Variants in APC observed in about 807,000 individuals in gnomAD.
APC encodes adenomatous polyposis coli protein.
Under a neutral mutation model 247.0 loss-of-function variants are expected in APC, and 72 were observed. The observed-to-expected ratio is 0.29, with a 90% CI of 0.24 to 0.35. The LOEUF (loss-of-function observed/expected upper bound fraction) is 0.35, where lower values mean the gene tolerates loss of function less well. Ranked by LOEUF, APC falls within the 10% of genes least tolerant of loss-of-function variation. The pLI is 1.00. For missense variants in APC, 3,400 were observed against 3,360.7 expected, an observed-to-expected ratio of 1.01 and a Z score of -0.29; for synonymous variants, 1,254 against 1,162.5, an observed-to-expected ratio of 1.08 and a Z score of -1.60.
Position 112,840,626 on chromosome 5 carries a change from G to A in APC, c.5032G>A (p.Gly1678Arg). The A allele has an allele frequency of 6.2e-7, 1 of 1,613,998 alleles. No individual in the cohort carries two copies. Among genetic ancestry groups the A allele is most frequent in the Non-Finnish European group, 8.5e-7 (1 of 1,179,928 alleles). Reference sequence around the variant, plus strand: ...AGCTGCTGGAGAAGGAGTTAGAGGAGGGGCACAGTCAGGTGAATTTGAAAA... The same window carrying A: ...AGCTGCTGGAGAAGGAGTTAGAGGAAGGGCACAGTCAGGTGAATTTGAAAA... ...ELAAGEGVRG[G>R]AQSGEFEKRD... The change falls in exon 16 of 16, where the codon GGG becomes AGG. Residue 1678 changes from glycine to arginine, a missense_variant. Physicochemically the swap from Gly to Arg is moderately radical, Grantham distance 125. Coordinates refer to ENST00000257430, the MANE Select transcript of APC (RefSeq NM_000038.6). This position sits in a 1 kb window ranked among gnomAD's most constrained non-coding sequence, Gnocchi z 4.1.
intron 12 of APC, 66 bp downstream of exon 12, chr5:112,827,313 T>A (rs1763806306): frequency 1.3e-6 from 2 of 1,561,926 alleles, no homozygotes; most frequent in Non-Finnish European, 1.8e-6. Flanking sequence ...TTCATACAAA[T>A]ACATTTTACT....
intron 7 of APC, among the ~76,000 whole-genome samples, chr5:112,797,002 A>G (rs951655766): frequency 1.3e-5 from 2 of 152,070 alleles, no homozygotes; most frequent in Admixed American, 6.6e-5. Flanking sequence ...TCATTGTAGT[A>G]CCATTTATTA....
chr5:112,834,715 T>A (rs1464798642), intron 14 of APC, among the ~76,000 whole-genome samples: 2 of 152,230 alleles, frequency 1.3e-5, no homozygotes, highest in Non-Finnish European at 2.9e-5. Context: ...GAATAAAGTT[T>A]ATAAAAGTCA....
chr5:112,730,300 A>G (rs1479937460), intron 1 of APC, among the ~76,000 whole-genome samples: 1 of 152,244 alleles, frequency 6.6e-6, no homozygotes, highest in Non-Finnish European at 1.5e-5. Context: ...CAGTTGAACA[A>G]GTAACTTTTT....
Position 112,838,260 on chromosome 5 carries a change from A to C in APC, c.2666A>C (p.Lys889Thr), listed in dbSNP as rs1350986347. Reference sequence around the variant, plus strand: ...TCCACCACTGCAGCCCAGATTGCCAAAGTCATGGAAGAAGTGTCAGCCATT... The same window carrying C: ...TCCACCACTGCAGCCCAGATTGCCACAGTCATGGAAGAAGTGTCAGCCATT... ...QISTTAAQIA[K>T]VMEEVSAIHT... Residue 889 changes from lysine to threonine, a missense_variant, in exon 16 of 16, where the codon AAA becomes ACA. By Grantham distance (78) the Lys-to-Thr change is moderately conservative. Transcript: ENST00000257430. 1.2e-6 allele frequency: 2 copies of C among 1,614,220 alleles called. No individual in the cohort carries two copies. The highest frequency in any genetic ancestry group is 1.1e-5 in the South Asian group (1 of 91,090).
rs377860 is a variant in APC, at chr5:112,839,702, A to G, written c.4108A>G (p.Lys1370Glu). 3 of 1,614,156 alleles carry G rather than the reference A, an allele frequency of 1.9e-6. No homozygotes were observed. The highest frequency in any genetic ancestry group is 2.5e-6 in the Non-Finnish European group (3 of 1,180,010). The change falls in exon 16 of 16, where the codon AAA (lysine) becomes GAA (glutamate). Residue 1370 changes from lysine (K) to glutamate (E), a missense_variant. Physicochemically the swap from Lys to Glu is moderately conservative, Grantham distance 56. Around this residue, in one of 9 missense-constraint regions of APC, gnomAD observed 715 missense variants for 656.6 expected, o/e 1.09. Coordinates refer to ENST00000257430, the MANE Select transcript of APC (RefSeq NM_000038.6). This position sits in a 1 kb window ranked among gnomAD's most constrained non-coding sequence, Gnocchi z 5.0. The stretch of plus-strand genomic sequence containing the variant: ...CTCCAAAAGTGGTGCTCAGACACCC[A>G]AAAGTCCACCTGAACACTATGTTCA... Reference protein sequence around the residue: ...SPSKSGAQTPKSPPEHYVQET... With the variant: ...SPSKSGAQTPESPPEHYVQET...
At chr5:112,796,978 G>T (rs767347884) in intron 7 of APC, among the ~76,000 whole-genome samples, 1 of 151,714 alleles carries the variant, frequency 6.6e-6, no homozygotes, top group Non-Finnish European at 1.5e-5. Context: ...ATTTAATGCT[G>T]TTCACCTTCA....
intron 14 of APC, among the ~76,000 whole-genome samples, chr5:112,830,438 A>T (rs1240024382): frequency 6.6e-6 from 1 of 152,242 alleles, no homozygotes; most frequent in Non-Finnish European, 1.5e-5. Context: ...GCTGGAAATC[A>T]TGTATTCTGC....
chr5:112,724,680 G>A (rs1751676764), intron 1 of APC, among the ~76,000 whole-genome samples: 1 of 152,058 alleles, frequency 6.6e-6, no homozygotes, highest in South Asian at 2.1e-4. Flanking sequence ...ATCTAAATTG[G>A]GTCCTGTAAA....
rs1580664782 is a variant in APC, at chr5:112,841,450, G to A, written c.5856G>A (p.Gln1952=). 6.2e-7 allele frequency: 1 copy of A among 1,613,994 alleles called. No individual in the cohort carries two copies. The highest frequency in any genetic ancestry group is 1.6e-4 in the Middle Eastern group (1 of 6,062). ...DRGAATDEKL[Q]NFAIENTPVC... is the part of the protein sequence containing the mutation. ...GGGCAGCAACTGATGAAAAGTTACA[G>A]AATTTTGCTATTGAAAATACTCCGG... The change falls in exon 16 of 16, where the codon CAG becomes CAA. Residue 1952 remains glutamine (Q), a synonymous_variant. Transcript: ENST00000257430. The surrounding 1 kb of genome is among the most constrained non-coding windows in gnomAD (Gnocchi z 4.6).
intron 1 of APC, among the ~76,000 whole-genome samples, chr5:112,740,465 T>TC (rs1176578023): frequency 1.3e-5 from 2 of 151,852 alleles, no homozygotes; most frequent in Non-Finnish European, 2.9e-5. Flanking sequence ...TAAATATTCA[T>TC]AAATGTTTTA....
intron 1 of APC, among the ~76,000 whole-genome samples, chr5:112,746,374 A>G (rs1421293097): frequency 6.6e-6 from 1 of 152,314 alleles, no homozygotes; most frequent in East Asian, 1.9e-4. Context: ...TCCAGACCAT[A>G]TAAAAAGATG....
intron 1 of APC, among the ~76,000 whole-genome samples, chr5:112,708,379 G>A (rs547913997): frequency 3.0e-4 from 45 of 152,334 alleles, no homozygotes; most frequent in African/African-American, 9.1e-4. Flanking sequence ...GCCTTGGATG[G>A]TTAGGTCAGA....
chr5:112,709,026 G>A (rs1750695716), intron 1 of APC, among the ~76,000 whole-genome samples: 1 of 152,172 alleles, frequency 6.6e-6, no homozygotes, highest in Admixed American at 6.5e-5. Flanking sequence ...TGGATAACGT[G>A]TCAAGAGCCC....
At chr5:112,763,560 T>C (rs1695901591) in intron 2 of APC, among the ~76,000 whole-genome samples, 1 of 152,158 alleles carries the variant, frequency 6.6e-6, no homozygotes, top group Admixed American at 6.5e-5. Context: ...AAAAGACCAT[T>C]AATGTACCAT....
intron 2 of APC, among the ~76,000 whole-genome samples, chr5:112,763,745 G>A (rs1420592154): frequency 6.6e-6 from 1 of 152,168 alleles, no homozygotes; most frequent in Non-Finnish European, 1.5e-5. Flanking sequence ...AGTCTCCATA[G>A]AATAACACTG....
chr5:112,732,041 C>A lies in APC; in HGVS notation c.165+24159C>A, dbSNP rs116292737. Among the ~76,000 whole-genome samples, 749 of 152,320 alleles carry A rather than the reference C, an allele frequency of 4.9e-3. 4 individuals are homozygous for A. Among genetic ancestry groups the A allele is most frequent in the African/African-American group, 0.017 (716 of 41,570 alleles). On this transcript the variant is annotated intron_variant, in intron 1 of 13. Coordinates refer to the APC transcript ENST00000507379. The stretch of plus-strand genomic sequence containing the variant: ...CCTCCCAAAGTGCTGGGGTTACAGG[C>A]ATGAGCCATTGCACATGACCAGAAC...
chr5:112,773,774 A>G (rs569384631), intron 4 of APC, among the ~76,000 whole-genome samples: 3 of 152,208 alleles, frequency 2.0e-5, no homozygotes, highest in Non-Finnish European at 4.4e-5. Flanking sequence ...CTGACAAAGC[A>G]CTATCATTTT....
intron 1 of APC, among the ~76,000 whole-genome samples, chr5:112,711,947 AAG>A (rs1230423750): frequency 6.6e-6 from 1 of 152,204 alleles, no homozygotes; most frequent in Non-Finnish European, 1.5e-5. Flanking sequence ...TTTCCAAAGA[AAG>A]AGAGAAGGCC....
Sources: allele counts gnomAD v4.1 joint callset (sites outside exome capture counted in the v4.1 genomes callset), GRCh38; gene constraint gnomAD v4.1.1; regional missense constraint gnomAD v4.1.1; non-coding constraint Gnocchi (gnomAD v3.1); transcripts MANE v1.5; gene names NCBI Gene and HGNC (gene_info 2026-07-23, HGNC 2026-07-21).